Variants in OLA1 observed in about 807,000 individuals in gnomAD.
The protein encoded by OLA1 is obg-like ATPase 1.
Under a neutral mutation model 48.4 loss-of-function variants are expected in OLA1, and 14 were observed. The ratio of observed to expected loss-of-function variants is 0.29; its 90% CI spans 0.19 to 0.45. The LOEUF (loss-of-function observed/expected upper bound fraction) is 0.45. Ranked by LOEUF, OLA1 falls within the 20% of genes least tolerant of loss-of-function variation. The pLI is 1.00. For synonymous variants in OLA1, 127 were observed against 150.4 expected (o/e 0.84, Z 1.14); for missense variants, 325 against 467.1 (o/e 0.70, Z 2.80).
intron 7 of OLA1, among the ~76,000 whole-genome samples, chr2:174,110,014 T>C (rs1231382620): frequency 6.6e-6 from 1 of 152,118 alleles, no homozygotes; most frequent in Non-Finnish European, 1.5e-5. Flanking sequence ...TGTTCATAAG[T>C]TCTCATCATT....
intron 7 of OLA1, among the ~76,000 whole-genome samples, chr2:174,101,022 T>G (rs1685384842): frequency 6.6e-6 from 1 of 152,266 alleles, no homozygotes; most frequent in Non-Finnish European, 1.5e-5. Flanking sequence ...CATGTTTCTA[T>G]TTCTTTTGAG....
intron 4 of OLA1, among the ~76,000 whole-genome samples, chr2:174,177,317 G>A (rs1046972149): frequency 1.3e-5 from 2 of 151,998 alleles, no homozygotes; most frequent in Non-Finnish European, 2.9e-5. Context: ...AAAATATTTC[G>A]ACCTTCAATC....
chr2:174,222,917 T>C, intron 4 of OLA1, 116 bp downstream of exon 4: 1 of 1,084,684 alleles, frequency 9.2e-7, no homozygotes, highest in South Asian at 1.8e-5. Flanking sequence ...AACCCAAGAT[T>C]CATCTGGTAA....
chr2:174,210,157 G>C (rs781209721), intron 4 of OLA1, among the ~76,000 whole-genome samples: 1 of 152,092 alleles, frequency 6.6e-6, no homozygotes, highest in Non-Finnish European at 1.5e-5. Flanking sequence ...AAAACTGACA[G>C]TAGATGTCAT....
chr2:174,152,884 T>A (rs1355935174), intron 4 of OLA1, among the ~76,000 whole-genome samples: 1 of 152,186 alleles, frequency 6.6e-6, no homozygotes. Flanking sequence ...TCTGTGCTAG[T>A]CTAATTGTTT....
At chr2:174,186,621 C>T (rs1021795364) in intron 4 of OLA1, among the ~76,000 whole-genome samples, 6 of 152,282 alleles carry the variant, frequency 3.9e-5, no homozygotes, top group South Asian at 2.1e-4. Flanking sequence ...ACACAGGTTC[C>T]CTGCTGATGT....
intron 4 of OLA1, among the ~76,000 whole-genome samples, chr2:174,198,037 C>T (rs535309664): frequency 6.6e-6 from 1 of 152,324 alleles, no homozygotes; most frequent in East Asian, 1.9e-4. Flanking sequence ...GATCTCGGCT[C>T]ACTGCAATCT....
chr2:174,158,549 G>A (rs1424314015), intron 4 of OLA1, among the ~76,000 whole-genome samples: 1 of 152,026 alleles, frequency 6.6e-6, no homozygotes, highest in Admixed American at 6.5e-5. Context: ...AGAATGCAGT[G>A]TACAAAAAGT....
chr2:174,107,747 C>T (rs1240070152), intron 7 of OLA1, among the ~76,000 whole-genome samples: 2 of 151,906 alleles, frequency 1.3e-5, no homozygotes, highest in South Asian at 4.2e-4. Context: ...AAGTCATCAG[C>T]TGATAGAATA....
chr2:174,121,727 C>T (rs1337145698), intron 7 of OLA1, among the ~76,000 whole-genome samples: 4 of 152,146 alleles, frequency 2.6e-5, no homozygotes, highest in South Asian at 2.1e-4. Context: ...GGGTGTCTGG[C>T]GACAGCTAAA....
At chr2:174,117,057 A>G (rs1574490558) in intron 7 of OLA1, among the ~76,000 whole-genome samples, 1 of 152,128 alleles carries the variant, frequency 6.6e-6, no homozygotes, top group Admixed American at 6.5e-5. Flanking sequence ...ATAGGGCCCA[A>G]CCTGAAAGAG....
At chr2:174,189,662 C>T (rs1004363969) in intron 4 of OLA1, among the ~76,000 whole-genome samples, 16 of 152,044 alleles carry the variant, frequency 1.1e-4, no homozygotes, top group Non-Finnish European at 1.5e-4. Context: ...AATAGGCATT[C>T]GCATACACTG....
intron 4 of OLA1, among the ~76,000 whole-genome samples, chr2:174,179,705 T>G (rs891657537): frequency 1.3e-5 from 2 of 152,024 alleles, no homozygotes; most frequent in Admixed American, 6.6e-5. Context: ...TTGAACTTCT[T>G]AAGGACAGAT....
At chr2:174,144,948 AAAAATAT>A (rs1224140993) in intron 4 of OLA1, among the ~76,000 whole-genome samples, 3 of 75,410 alleles carry the variant, frequency 4.0e-5, no homozygotes, top group Non-Finnish European at 5.2e-5. Context: ...AAAAAAAAAA[AAAAATAT>A]ATATATATAT....
chr2:174,167,891 T>G (rs1687203392), intron 4 of OLA1, among the ~76,000 whole-genome samples: 1 of 152,162 alleles, frequency 6.6e-6, no homozygotes, highest in Non-Finnish European at 1.5e-5. Flanking sequence ...GGCTTTCATT[T>G]TCAATAATGA....
At position 174,072,668 on chromosome 2, in the gene OLA1, A is replaced by G. The variant is rs1440918785; in HGVS notation, c.*2758T>C. 1 of 152,216 alleles carries G rather than the reference A, an allele frequency of 6.6e-6. No individual in the cohort carries two copies. The highest frequency in any genetic ancestry group is 2.4e-5 in the African/African-American group (1 of 41,450). 9.4% of individuals were successfully genotyped at this position (152,216 alleles called of 1,614,324 possible). ...CGTCTCTGACTCTCTGAATGAAAGGAGACGGGGTTTACAAAGGAGCTTTGG... is the reference window on the plus strand; with the variant it reads ...CGTCTCTGACTCTCTGAATGAAAGGGGACGGGGTTTACAAAGGAGCTTTGG... On this transcript the variant is annotated 3_prime_UTR_variant, in exon 11 of 11. Transcript: ENST00000284719.
At chr2:174,240,204 T>A (rs919192860) in intron 2 of OLA1, 2 of 152,148 alleles carry the variant, frequency 1.3e-5, no homozygotes, top group African/African-American at 4.8e-5. Flanking sequence ...TCACTACCCA[T>A]CAGGACAGGA....
At chr2:174,196,901 T>G (rs1392828367) in intron 4 of OLA1, among the ~76,000 whole-genome samples, 1 of 152,204 alleles carries the variant, frequency 6.6e-6, no homozygotes, top group African/African-American at 2.4e-5. Context: ...TCAGACAAAC[T>G]AGAATTAATG....
intron 4 of OLA1, among the ~76,000 whole-genome samples, chr2:174,157,837 A>C (rs886355523): frequency 6.6e-6 from 1 of 152,172 alleles, no homozygotes; most frequent in Admixed American, 6.5e-5. Flanking sequence ...CTTGGGTCCA[A>C]ATGAAAAGTA....
Sources: allele counts gnomAD v4.1 joint callset (sites outside exome capture counted in the v4.1 genomes callset), GRCh38; gene constraint gnomAD v4.1.1; transcripts MANE v1.5; gene names NCBI Gene and HGNC (gene_info 2026-07-23, HGNC 2026-07-21).